CEP135: variants seen among roughly 807,000 people sequenced by gnomAD.
CEP135 encodes centrosomal protein 135, also known as centrosomal protein of 135 kDa.
CEP135 carries 142 observed loss-of-function variants against 157.3 expected under a neutral mutation model. The ratio of observed to expected loss-of-function variants is 0.90; its 90% CI spans 0.79 to 1.04. CEP135 has a LOEUF of 1.04. Among genes scored for constraint, CEP135 ranks in the 50% least tolerant of loss-of-function variants. The pLI is 0.00. For missense variants in CEP135, 1,317 were observed against 1,309.2 expected, an observed-to-expected ratio of 1.01 and a Z score of -0.09; for synonymous variants, 396 against 439.8, an observed-to-expected ratio of 0.90 and a Z score of 1.25.
chr4:55,989,047 A>G (rs1729700572), intron 14 of CEP135, among the ~76,000 whole-genome samples: 1 of 152,084 alleles, frequency 6.6e-6, no homozygotes, highest in Non-Finnish European at 1.5e-5. Context: ...CACAAATGTA[A>G]GAATTTGATC....
rs952768270 is a variant in CEP135 at position 55,984,838 on chromosome 4, G to A, written c.1780-443G>A. 5.3e-5 allele frequency among the ~76,000 whole-genome samples: 8 copies of A among 152,230 alleles called. No homozygotes were observed. The South Asian group carries it at 6.2e-4, about 12-fold the overall frequency. ...GTTGACCAGCCCCTTATTGAAACTC[G>A]CATCTCTTGCATGGCCTTGTAGTAT... On this transcript the variant is annotated intron_variant, in intron 13 of 25. Transcript: ENST00000257287.
At chr4:56,025,078 A>G (rs902803335) in intron 25 of CEP135, among the ~76,000 whole-genome samples, 4 of 152,122 alleles carry the variant, frequency 2.6e-5, no homozygotes, top group African/African-American at 9.7e-5. Context: ...GGATGGCTTG[A>G]GCCCGGAAGG....
At position 55,980,366 on chromosome 4, in the gene CEP135, T is replaced by C. The variant is rs1577882389; in HGVS notation, c.1626+71T>C. 6.5e-6 allele frequency: 6 copies of C among 928,780 alleles called. No individual in the cohort carries two copies. The East Asian group carries it at 1.6e-4, about 25-fold the overall frequency. 57.5% of individuals were successfully genotyped at this position (928,780 alleles called of 1,614,324 possible). ...TTAACTATAATGGAGCCTGTATATA[T>C]CTTTCACATTACTATAATATATGGA... On this transcript the variant is annotated intron_variant, in intron 12 of 25. Transcript: ENST00000257287.
At chr4:55,994,474 G>C (rs1160294099) in intron 15 of CEP135, among the ~76,000 whole-genome samples, 1 of 152,086 alleles carries the variant, frequency 6.6e-6, no homozygotes, top group Non-Finnish European at 1.5e-5. Flanking sequence ...TTGAGCCTAG[G>C]AGTTCAAGGC....
chr4:55,988,661 G>GAA (rs34678871), intron 14 of CEP135, among the ~76,000 whole-genome samples: 36 of 132,118 alleles, frequency 2.7e-4, no homozygotes, highest in African/African-American at 7.5e-4. Flanking sequence ...CTCCGTCTCA[G>GAA]AAAAAAAAAA....
chr4:55,990,808 A>G (rs1218210837), intron 14 of CEP135, among the ~76,000 whole-genome samples: 1 of 152,192 alleles, frequency 6.6e-6, no homozygotes, highest in Non-Finnish European at 1.5e-5. Context: ...GGTGTGAGCC[A>G]CCATAACGCC....
rs1729539508 is a variant in CEP135, at chr4:55,985,270, T to G, written c.1780-11T>G. Reference sequence around the variant, plus strand: ...ATACAAATGAACATTTTCTTTAACATTCTTTTTCAGCATATTGAAGAAGTG... The same window carrying G: ...ATACAAATGAACATTTTCTTTAACAGTCTTTTTCAGCATATTGAAGAAGTG... On this transcript the variant is annotated splice_polypyrimidine_tract_variant and intron_variant, in intron 13 of 25. Transcript: ENST00000257287. 6.7e-7 allele frequency: 1 copy of G among 1,484,906 alleles called. No individual in the cohort carries two copies. The allele number at this position is 1,484,906 out of a possible 1,614,324, so 92.0% of individuals were successfully genotyped here.
chr4:55,973,785 C>T (rs932628221), intron 10 of CEP135, among the ~76,000 whole-genome samples: 1 of 152,138 alleles, frequency 6.6e-6, no homozygotes, highest in African/African-American at 2.4e-5. Context: ...ACCCACTACC[C>T]CTTAGCTCCT....
chr4:56,025,646 T>C (rs2109753597), intron 25 of CEP135, among the ~76,000 whole-genome samples: 1 of 152,230 alleles, frequency 6.6e-6, no homozygotes, highest in East Asian at 1.9e-4. Context: ...CAAGATGAAA[T>C]AACTGTTTCT....
In CEP135 at chr4:55,994,709, G is replaced by T. The variant is rs1173586183; in HGVS notation, c.2009+2624G>T. On this transcript the variant is annotated intron_variant, in intron 15 of 25. Coordinates refer to ENST00000257287, the MANE Select transcript of CEP135 (RefSeq NM_025009.5). ...ATCTTTTTTTTTTTTTTTTTGAGAC[G>T]GAGTCTTGCTCTGTTGGCCCGGCTG... is the stretch of plus-strand genomic sequence containing the variant. Among the ~76,000 whole-genome samples the T allele has an allele frequency of 6.3e-5, 9 of 143,858 alleles. No individual in the cohort carries two copies. The South Asian group carries it at 6.6e-4, about 11-fold the overall frequency. The allele number at this position is 143,858 out of a possible 152,430, so 94.4% of individuals were successfully genotyped here.
rs567910599 is a variant in CEP135 at position 56,001,209 on chromosome 4, C to G, written c.2280+1564C>G. ...TATTTTCTCCCATTCTGTAGGTTGT[C>G]TCTTCACTTTCTTAATAGTTTCCAT... On this transcript the variant is annotated intron_variant, in intron 17 of 25. Transcript: ENST00000257287. Among the ~76,000 whole-genome samples, 134 of 152,222 alleles carry G rather than the reference C, an allele frequency of 8.8e-4. 1 individual carries two copies. Among genetic ancestry groups the G allele is most frequent in the African/African-American group, 3.0e-3 (123 of 41,544 alleles).
chr4:56,021,583 C>T (rs192175013), intron 24 of CEP135, among the ~76,000 whole-genome samples: 5 of 152,298 alleles, frequency 3.3e-5, no homozygotes, highest in East Asian at 3.9e-4. Flanking sequence ...ATACCATAGA[C>T]ATCTGCATTC....
chr4:56,012,552 C>G (rs2109735525), intron 21 of CEP135, among the ~76,000 whole-genome samples: 1 of 152,290 alleles, frequency 6.6e-6, no homozygotes, highest in African/African-American at 2.4e-5. Context: ...TGTTGTGTAA[C>G]TATCACCATT....
chr4:56,014,743 A>G (rs1343029747), intron 21 of CEP135, among the ~76,000 whole-genome samples: 1 of 152,164 alleles, frequency 6.6e-6, no homozygotes, highest in Non-Finnish European at 1.5e-5. Flanking sequence ...AAAGCAAGAC[A>G]TGAAGCCAGG....
chr4:55,964,184 A>C, intron 6 of CEP135, 90 bp from the exon 7 acceptor site: 2 of 1,301,044 alleles, frequency 1.5e-6, no homozygotes, highest in Non-Finnish European at 2.1e-6. Context: ...TTGGTACATA[A>C]GAAAATATAT....
intron 1 of CEP135, among the ~76,000 whole-genome samples, chr4:55,951,023 A>G (rs1334668746): frequency 6.6e-6 from 1 of 152,214 alleles, no homozygotes; most frequent in Non-Finnish European, 1.5e-5. Flanking sequence ...ATGGAGTCAT[A>G]CAGTATTTGT....
At chr4:55,996,015 C>G (rs1729958098) in intron 15 of CEP135, among the ~76,000 whole-genome samples, 1 of 152,184 alleles carries the variant, frequency 6.6e-6, no homozygotes, top group African/African-American at 2.4e-5. Context: ...AAGTCTATCC[C>G]ATATATATTA....
chr4:55,979,232 A>C (rs545852005), intron 11 of CEP135, among the ~76,000 whole-genome samples: 51 of 151,460 alleles, frequency 3.4e-4, no homozygotes, highest in Middle Eastern at 3.4e-3. Flanking sequence ...TACATTTGTT[A>C]TTTTTCTTTT....
chr4:56,011,448 A>G lies in CEP135; in HGVS notation c.2542A>G (p.Lys848Glu). Residue 848 changes from lysine to glutamate, a missense_variant, in exon 20 of 26, where the codon AAA (lysine) becomes GAA (glutamate). Transcript: ENST00000257287. ...SLELEAAVQEKEEMKSRVHKY... is the reference protein window; with the variant it reads ...SLELEAAVQEEEEMKSRVHKY... Reference sequence around the variant, plus strand: ...GGAATTGGAAGCAGCAGTGCAAGAAAAAGAAGAAATGAAGAGCAGAGTTCA... The same window carrying G: ...GGAATTGGAAGCAGCAGTGCAAGAAGAAGAAGAAATGAAGAGCAGAGTTCA... The G allele has an allele frequency of 1.9e-6, 3 of 1,612,860 alleles. No homozygotes were observed. The highest frequency in any genetic ancestry group is 2.5e-6 in the Non-Finnish European group (3 of 1,179,676).
Sources: gnomAD v4.1 joint callset for allele counts (sites outside exome capture counted in the v4.1 genomes callset) on GRCh38, gnomAD v4.1.1 for gene constraint, MANE v1.5 for transcripts, NCBI Gene and HGNC (gene_info 2026-07-23, HGNC 2026-07-21) for gene names.